NYAP2: variants seen among roughly 807,000 people sequenced by gnomAD.
The protein encoded by NYAP2 is neuronal tyrosine-phosphorylated phosphoinositide-3-kinase adapter 2.
In NYAP2, 23 loss-of-function variants were observed where a neutral mutation model predicts 50.4. The ratio of observed to expected loss-of-function variants is 0.46; its 90% CI spans 0.33 to 0.65. The LOEUF (loss-of-function observed/expected upper bound fraction) is 0.65. Among genes scored for constraint, NYAP2 ranks in the 30% least tolerant of loss-of-function variants. The pLI is 0.02. For synonymous variants in NYAP2, 394 were observed against 365.2 expected (o/e 1.08, Z -0.90); for missense variants, 885 against 861.0 (o/e 1.03, Z -0.35).
intron 4 of NYAP2, among the ~76,000 whole-genome samples, chr2:225,544,263 G>C (rs1424546970): frequency 6.6e-6 from 1 of 151,392 alleles, no homozygotes; most frequent in Non-Finnish European, 1.5e-5. Flanking sequence ...GTTTTGATTG[G>C]AGAGTTTAAT....
chr2:225,700,190 T>C, the NYAP2 span: 1 of 151,844 alleles, frequency 6.6e-6, no homozygotes, highest in Non-Finnish European at 1.5e-5. Context: ...TATAACATGA[T>C]TTTCTAATGT....
chr2:225,626,829 AT>A, intron 5 of NYAP2, 87 bp from the exon 6 acceptor site: 9 of 1,009,426 alleles, frequency 8.9e-6, no homozygotes, highest in Non-Finnish European at 1.3e-5. Flanking sequence ...TATTGAGACA[AT>A]TTTAGAAAAT....
chr2:225,546,830 A>G (rs1691593573), intron 4 of NYAP2, among the ~76,000 whole-genome samples: 1 of 152,070 alleles, frequency 6.6e-6, no homozygotes, highest in South Asian at 2.1e-4. Flanking sequence ...TCAAAGTATC[A>G]CCCCAGGCTG....
At chr2:225,475,641 C>A in intron 3 of NYAP2, among the ~76,000 whole-genome samples, 1 of 152,140 alleles carries the variant, frequency 6.6e-6, no homozygotes, top group Non-Finnish European at 1.5e-5. Context: ...GAATAAGTTT[C>A]ATATCTGAAA....
chr2:225,411,436 T>A (rs1438275449), intron 3 of NYAP2, among the ~76,000 whole-genome samples: 2 of 152,108 alleles, frequency 1.3e-5, no homozygotes, highest in Non-Finnish European at 2.9e-5. Flanking sequence ...AGCTCAGCTT[T>A]GGTATGACGA....
intron 3 of NYAP2, among the ~76,000 whole-genome samples, chr2:225,461,270 G>A (rs1451953618): frequency 7.9e-5 from 12 of 152,148 alleles, no homozygotes; most frequent in Non-Finnish European, 1.6e-4. Flanking sequence ...ACATATCAAG[G>A]CTTTTTCACA....
intron 6 of NYAP2, among the ~76,000 whole-genome samples, chr2:225,634,337 C>T (rs902229670): frequency 2.0e-5 from 3 of 152,052 alleles, no homozygotes; most frequent in South Asian, 2.1e-4. Context: ...TCTTTGTGCT[C>T]GAACAGTAGA....
chr2:225,440,877 A>C (rs533262140), intron 3 of NYAP2, among the ~76,000 whole-genome samples: 2 of 152,274 alleles, frequency 1.3e-5, no homozygotes, highest in African/African-American at 2.4e-5. Flanking sequence ...AATAGATGGG[A>C]GACTCCTTGC....
intron 3 of NYAP2, among the ~76,000 whole-genome samples, chr2:225,449,075 CAGTT>C (rs1442771461): frequency 2.0e-5 from 3 of 152,084 alleles, no homozygotes; most frequent in African/African-American, 4.8e-5. Flanking sequence ...AGATAACAGT[CAGTT>C]AAACAAGTAT....
chr2:225,686,962 T>C, the NYAP2 span, among the ~76,000 whole-genome samples: 1 of 152,186 alleles, frequency 6.6e-6, no homozygotes, highest in South Asian at 2.1e-4. Flanking sequence ...CTTTGTTTGA[T>C]CAAGTGCACT....
the NYAP2 span, chr2:225,702,024 T>A: frequency 6.6e-6 from 1 of 151,726 alleles, no homozygotes; most frequent in Admixed American, 6.6e-5. Context: ...TTAATATCAC[T>A]TCCATGTTAA....
At chr2:225,486,952 A>AT (rs1690310951) in intron 3 of NYAP2, among the ~76,000 whole-genome samples, 1 of 152,226 alleles carries the variant, frequency 6.6e-6, no homozygotes, top group Admixed American at 6.5e-5. Context: ...GCAGGAGAAC[A>AT]CCACTGGGAT....
exon 7 of NYAP2, chr2:225,651,770 A>G (rs1693736566): frequency 8.5e-6 from 5 of 589,748 alleles, no homozygotes; most frequent in East Asian, 3.0e-5. Context: ...GTTTGTTACC[A>G]AATCGTTTTT....
intron 6 of NYAP2, among the ~76,000 whole-genome samples, chr2:225,638,723 C>T (rs1693471733): frequency 6.6e-6 from 1 of 152,202 alleles, no homozygotes; most frequent in African/African-American, 2.4e-5. Context: ...GTGTCAAACA[C>T]CTTTCCCAGC....
At chr2:225,694,181 T>C in the NYAP2 span, among the ~76,000 whole-genome samples, 33 of 152,168 alleles carry the variant, frequency 2.2e-4, no homozygotes, top group African/African-American at 7.5e-4. Context: ...AATAAGGCCA[T>C]TGAATTAAAT....
chr2:225,522,850 G>A (rs1476656887), intron 4 of NYAP2, among the ~76,000 whole-genome samples: 1 of 152,034 alleles, frequency 6.6e-6, no homozygotes, highest in Non-Finnish European at 1.5e-5. Context: ...CATGTAATCG[G>A]GTGTTTATCT....
chr2:225,436,368 C>A (rs1385754094), intron 3 of NYAP2, among the ~76,000 whole-genome samples: 1 of 152,138 alleles, frequency 6.6e-6, no homozygotes, highest in East Asian at 1.9e-4. Context: ...GAGGAAGACC[C>A]TCCCTAGCTT....
At chr2:225,460,733 T>C (rs566084960) in intron 3 of NYAP2, among the ~76,000 whole-genome samples, 1 of 152,342 alleles carries the variant, frequency 6.6e-6, no homozygotes, top group Non-Finnish European at 1.5e-5. Context: ...ATGAACATGT[T>C]ACTCCTGTTG....
intron 3 of NYAP2, among the ~76,000 whole-genome samples, chr2:225,458,837 A>G (rs993967223): frequency 5.3e-5 from 8 of 152,212 alleles, no homozygotes; most frequent in African/African-American, 2.4e-5. Context: ...TTTTAAAGTA[A>G]TTCTTTGTGG....
Sources: allele counts gnomAD v4.1 joint callset (sites outside exome capture counted in the v4.1 genomes callset), GRCh38; gene constraint gnomAD v4.1.1; transcripts MANE v1.5; gene names NCBI Gene and HGNC (gene_info 2026-07-23, HGNC 2026-07-21).